The following GFRA1 variants were observed in gnomAD, a reference collection of about 807,000 sequenced individuals.
GFRA1 encodes GDNF family receptor alpha 1, also known as GDNF family receptor alpha-1.
Under a neutral mutation model 51.6 loss-of-function variants are expected in GFRA1, and 16 were observed. That is an observed-to-expected ratio of 0.31 (90% CI 0.21 to 0.47). The LOEUF is 0.47. Ranked by LOEUF, GFRA1 falls within the 20% of genes least tolerant of loss-of-function variation. GFRA1 has a pLI of 1.00. For synonymous variants in GFRA1, 270 were observed against 241.3 expected (o/e 1.12, Z -1.10); for missense variants, 530 against 594.3 (o/e 0.89, Z 1.13).
At chr10:116,159,913 C>T (rs1959576682) in intron 5 of GFRA1, among the ~76,000 whole-genome samples, 1 of 152,158 alleles carries the variant, frequency 6.6e-6, no homozygotes, top group Admixed American at 6.5e-5. Context: ...GTCATTAATC[C>T]CACCTCCCAC....
At chr10:116,076,331 C>T (rs950292066) in intron 9 of GFRA1, among the ~76,000 whole-genome samples, 1 of 152,168 alleles carries the variant, frequency 6.6e-6, no homozygotes, top group Middle Eastern at 3.4e-3. Context: ...ATGGCAGGCA[C>T]GGACAGCCTT....
At position 116,242,916 on chromosome 10, in the gene GFRA1, C is replaced by T. The variant is rs559875243; in HGVS notation, c.418+26587G>A. Among the ~76,000 whole-genome samples the T allele has an allele frequency of 1.2e-3, 189 of 152,256 alleles. 7 individuals are homozygous for T. The South Asian group carries it at 0.037, about 30-fold the overall frequency. Reference sequence around the variant, plus strand: ...AACATGATGTTTTGATATGCATAAACATAGTGAAATTCCTACAACAGTCAA... The same window carrying T: ...AACATGATGTTTTGATATGCATAAATATAGTGAAATTCCTACAACAGTCAA... On this transcript the variant is annotated intron_variant, in intron 4 of 10. Coordinates refer to ENST00000355422, the MANE Select transcript of GFRA1 (RefSeq NM_005264.8).
At chr10:116,186,093 G>A (rs927054691) in intron 5 of GFRA1, among the ~76,000 whole-genome samples, 11 of 152,148 alleles carry the variant, frequency 7.2e-5, no homozygotes, top group Non-Finnish European at 1.3e-4. Context: ...ACCAGCTTGC[G>A]GCAGCTATTC....
chr10:116,175,887 C>G (rs975117725), intron 5 of GFRA1, among the ~76,000 whole-genome samples: 1 of 152,064 alleles, frequency 6.6e-6, no homozygotes, highest in Admixed American at 6.6e-5. Flanking sequence ...AGCATGAAGT[C>G]GAAAAGCAGG....
At chr10:116,186,167 C>T (rs1428747347) in intron 5 of GFRA1, among the ~76,000 whole-genome samples, 4 of 152,134 alleles carry the variant, frequency 2.6e-5, no homozygotes, top group South Asian at 2.1e-4. Context: ...GAGCCCCCAG[C>T]GCTCACCGGA....
Position 116,062,891 on chromosome 10 carries a change from G to T in GFRA1, c.*1507C>A, listed in dbSNP as rs1303209142. ...CCAGGGTCCTGTTCTGCTGATCTGTGCCAAGCAACTCATCTCACCAAACCT... is the reference window on the plus strand; with the variant it reads ...CCAGGGTCCTGTTCTGCTGATCTGTTCCAAGCAACTCATCTCACCAAACCT... On this transcript the variant is annotated 3_prime_UTR_variant, in exon 11 of 11. Transcript: ENST00000355422. The T allele has an allele frequency of 6.6e-6, 1 of 152,208 alleles. No homozygotes were observed. Among genetic ancestry groups the T allele is most frequent in the Admixed American group, 6.5e-5 (1 of 15,284 alleles). The allele number at this position is 152,208 out of a possible 1,614,324, so 9.4% of individuals were successfully genotyped here.
intron 4 of GFRA1, among the ~76,000 whole-genome samples, chr10:116,239,046 T>C (rs754183722): frequency 6.6e-5 from 10 of 152,222 alleles, no homozygotes; most frequent in Non-Finnish European, 1.2e-4. Context: ...AATAGGAACA[T>C]GCATTTTTCC....
At chr10:116,213,475 G>A (rs897896645) in intron 4 of GFRA1, among the ~76,000 whole-genome samples, 1 of 152,162 alleles carries the variant, frequency 6.6e-6, no homozygotes, top group African/African-American at 2.4e-5. Flanking sequence ...TTCAGGAGAT[G>A]GAATTCAGGG....
At chr10:116,089,519 C>T (rs1465939490) in intron 9 of GFRA1, among the ~76,000 whole-genome samples, 1 of 152,192 alleles carries the variant, frequency 6.6e-6, no homozygotes, top group African/African-American at 2.4e-5. Context: ...AAACAAGCCA[C>T]ACTCCCAGTA....
intron 5 of GFRA1, among the ~76,000 whole-genome samples, chr10:116,130,268 T>C (rs945089209): frequency 2.0e-5 from 3 of 151,974 alleles, no homozygotes; most frequent in Non-Finnish European, 4.4e-5. Flanking sequence ...TAATAGCTTA[T>C]ATAGTTTTAA....
chr10:116,128,761 G>T (rs1957981845), intron 5 of GFRA1, among the ~76,000 whole-genome samples: 1 of 150,328 alleles, frequency 6.7e-6, no homozygotes. Flanking sequence ...ATTGGCCTAG[G>T]TTATACCTTC....
chr10:116,140,945 T>C (rs1386782521), intron 5 of GFRA1, among the ~76,000 whole-genome samples: 2 of 152,224 alleles, frequency 1.3e-5, no homozygotes, highest in African/African-American at 4.8e-5. Context: ...TCCCACATAT[T>C]TGACATTTGA....
intron 6 of GFRA1, among the ~76,000 whole-genome samples, chr10:116,119,791 A>C (rs1957568931): frequency 6.6e-6 from 1 of 152,250 alleles, no homozygotes; most frequent in Admixed American, 6.5e-5. Flanking sequence ...AAGGTGCACT[A>C]ACACTGTCAG....
intron 5 of GFRA1, among the ~76,000 whole-genome samples, chr10:116,176,815 T>C (rs1961660919): frequency 6.8e-6 from 1 of 147,550 alleles, no homozygotes. Context: ...GATAAGACTC[T>C]GTGACAGTCC....
At chr10:116,080,886 T>C (rs1391009535) in intron 9 of GFRA1, among the ~76,000 whole-genome samples, 3 of 152,052 alleles carry the variant, frequency 2.0e-5, no homozygotes, top group Non-Finnish European at 4.4e-5. Context: ...TTAATAAAAC[T>C]CTAACAAAAC....
At chr10:116,270,367 G>C (rs1269101214) in intron 3 of GFRA1, among the ~76,000 whole-genome samples, 1 of 152,208 alleles carries the variant, frequency 6.6e-6, no homozygotes, top group African/African-American at 2.4e-5. Context: ...GATTCTCCTG[G>C]ACCTTTTACA....
intron 4 of GFRA1, among the ~76,000 whole-genome samples, chr10:116,216,384 G>A (rs1292588842): frequency 1.3e-5 from 2 of 152,182 alleles, no homozygotes; most frequent in Non-Finnish European, 2.9e-5. Flanking sequence ...GTTTTATGAG[G>A]AGAACTGGAT....
intron 5 of GFRA1, among the ~76,000 whole-genome samples, chr10:116,165,563 C>T (rs972597912): frequency 9.9e-5 from 15 of 152,254 alleles, no homozygotes; most frequent in African/African-American, 3.1e-4. Flanking sequence ...TCTCCAAGCT[C>T]AAGAAACCTT....
intron 5 of GFRA1, among the ~76,000 whole-genome samples, chr10:116,148,789 T>C (rs1216943972): frequency 1.3e-5 from 2 of 152,170 alleles, no homozygotes; most frequent in African/African-American, 4.8e-5. Flanking sequence ...AAGAAGCTTA[T>C]TCCAGGGCAC....
Sources: allele counts gnomAD v4.1 joint callset (sites outside exome capture counted in the v4.1 genomes callset), GRCh38; gene constraint gnomAD v4.1.1; transcripts MANE v1.5; gene names NCBI Gene and HGNC (gene_info 2026-07-23, HGNC 2026-07-21).